Variants in USPL1 observed in about 807,000 individuals in gnomAD.
The protein encoded by USPL1 is SUMO-specific isopeptidase USPL1.
A neutral mutation model predicts 51.5 loss-of-function variants in USPL1; 27 were observed. The ratio of observed to expected loss-of-function variants is 0.52; its 90% CI spans 0.39 to 0.72. USPL1 has a LOEUF of 0.72. USPL1 is among the 30% of genes least tolerant of loss of function. USPL1 has a pLI of 0.00. For synonymous variants in USPL1, 451 were observed against 459.6 expected (o/e 0.98, Z 0.24); for missense variants, 1,226 against 1,268.0 (o/e 0.97, Z 0.50).
chr13:30,658,361 G>A lies in USPL1; in HGVS notation c.2284G>A (p.Gly762Ser). The stretch of plus-strand genomic sequence containing the variant: ...GCCATTTGTGGGAAGTTGGGTTAAA[G>A]GCTTAATAAGCAGGGGTGCTTCTTT... Reference protein sequence around the residue: ...KKPFVGSWVKGLISRGASFMP... With the variant: ...KKPFVGSWVKSLISRGASFMP... Residue 762 changes from glycine (G) to serine (S), a missense_variant, in exon 9 of 9, where the codon GGC becomes AGC. Physicochemically the swap from Gly to Ser is moderately conservative, Grantham distance 56. Transcript: ENST00000255304. The A allele has an allele frequency of 6.2e-7, 1 of 1,613,774 alleles. No homozygotes were observed. The highest frequency in any genetic ancestry group is 8.5e-7 in the Non-Finnish European group (1 of 1,180,018).
At chr13:30,646,271 A>G (rs568726729) in intron 6 of USPL1, among the ~76,000 whole-genome samples, 1 of 152,306 alleles carries the variant, frequency 6.6e-6, no homozygotes, top group East Asian at 1.9e-4. Flanking sequence ...GTTGCTCTCA[A>G]GTATTCAGAC....
rs199641998 is a variant in USPL1 at position 30,658,524 on chromosome 13, G to T, written c.2447G>T (p.Arg816Leu). 1.2e-6 allele frequency: 2 copies of T among 1,614,030 alleles called. No homozygotes were observed. The highest frequency in any genetic ancestry group is 1.1e-5 in the South Asian group (1 of 91,088). The change falls in exon 9 of 9, where the codon CGT becomes CTT. Residue 816 changes from arginine (R) to leucine (L), a missense_variant. By Grantham distance (102) the Arg-to-Leu change is moderately radical. Coordinates refer to ENST00000255304, the MANE Select transcript of USPL1 (RefSeq NM_005800.5). ...QKASHVSKKA[R>L]KSASKPPPIS... is the part of the protein sequence containing the mutation. ...GCCAGCCACGTATCCAAGAAAGCTC[G>T]TAAGAGTGCAAGTAAGCCTCCTCCC...
intron 3 of USPL1, among the ~76,000 whole-genome samples, chr13:30,629,975 T>G (rs1950778622): frequency 6.6e-6 from 1 of 151,802 alleles, no homozygotes; most frequent in Non-Finnish European, 1.5e-5. Context: ...ATTATTATTA[T>G]TATTATTATT....
chr13:30,655,852 C>A (rs1007235254), intron 8 of USPL1, among the ~76,000 whole-genome samples: 1 of 152,104 alleles, frequency 6.6e-6, no homozygotes, highest in African/African-American at 2.4e-5. Context: ...TGTTTGACAT[C>A]GTGATTTATT....
chr13:30,652,919 A>C (rs971450255), intron 7 of USPL1, among the ~76,000 whole-genome samples: 1 of 152,238 alleles, frequency 6.6e-6, no homozygotes, highest in East Asian at 1.9e-4. Context: ...ATACTGCATG[A>C]TGACTTCCAA....
At chr13:30,649,716 T>C (rs1256068941) in intron 7 of USPL1, among the ~76,000 whole-genome samples, 1 of 152,266 alleles carries the variant, frequency 6.6e-6, no homozygotes, top group African/African-American at 2.4e-5. Flanking sequence ...GGACGCGATA[T>C]TTCTCTGCTA....
rs529155708 is a variant in USPL1 at position 30,625,450 on chromosome 13, T to G, written c.228+3558T>G. ...AGTTGGTTTTTTGTTTTTTGTTTTT[T>G]TTTTTTTTTTTTTTGAGACGGAGTC... On this transcript the variant is annotated intron_variant, in intron 3 of 8. Transcript: ENST00000255304. 4.1e-4 allele frequency among the ~76,000 whole-genome samples: 60 copies of G among 145,220 alleles called. 2 individuals are homozygous for G. The East Asian group carries it at 8.9e-3, about 21-fold the overall frequency.
At chr13:30,642,825 T>C (rs1050602216) in intron 6 of USPL1, 68 bp downstream of exon 6, 19 of 1,553,172 alleles carry the variant, frequency 1.2e-5, no homozygotes, top group Non-Finnish European at 1.6e-5. Flanking sequence ...AGAGAACAAT[T>C]TGAGCACCAG....
intron 6 of USPL1, among the ~76,000 whole-genome samples, chr13:30,645,176 T>A (rs966210350): frequency 1.3e-5 from 2 of 152,332 alleles, no homozygotes; most frequent in African/African-American, 4.8e-5. Context: ...GGGTTTTAAA[T>A]AATATAAATA....
chr13:30,642,902 T>C (rs1950967694), intron 6 of USPL1, 145 bp downstream of exon 6: 1 of 960,590 alleles, frequency 1.0e-6, no homozygotes. Context: ...AGACTGCTAG[T>C]AGGATATTTC....
At chr13:30,618,652 T>C (rs1950604113) in intron 1 of USPL1, among the ~76,000 whole-genome samples, 1 of 152,182 alleles carries the variant, frequency 6.6e-6, no homozygotes, top group Non-Finnish European at 1.5e-5. Context: ...CATTGTGCTA[T>C]CTAACTGGGT....
chr13:30,643,597 T>TCCCCCCC lies in USPL1; in HGVS notation c.1112+842_1112+843insCCCCCCC. On this transcript the variant is annotated intron_variant, in intron 6 of 8. Transcript: ENST00000255304. ...AATTATTACAATAGAAATAACTCTT[T>TCCCCCCC]CCACCCCCCCCCGCCCTTTTTTTTT... Among the ~76,000 whole-genome samples, 18 of 86,966 alleles carry TCCCCCCC rather than the reference T, an allele frequency of 2.1e-4. 1 individual carries two copies. Among genetic ancestry groups the TCCCCCCC allele is most frequent in the African/African-American group, 1.2e-3 (16 of 12,814 alleles). The allele number at this position is 86,966 out of a possible 152,430, so 57.1% of individuals were successfully genotyped here. A position where few individuals can be genotyped will look rare whatever the true frequency, so the allele number is the denominator to read the frequency against.
chr13:30,658,342 T>C lies in USPL1; in HGVS notation c.2265T>C (p.Phe755=). Residue 755 remains phenylalanine, a synonymous_variant, in exon 9 of 9, where the codon TTT becomes TTC. Transcript: ENST00000255304. ...TGAAAGAAAATCAGAAGAAGCCATT[T>C]GTGGGAAGTTGGGTTAAAGGCTTAA... ...QSLKENQKKP[F]VGSWVKGLIS... The C allele has an allele frequency of 6.2e-7, 1 of 1,613,930 alleles. No homozygotes were observed. The highest frequency in any genetic ancestry group is 1.7e-5 in the Admixed American group (1 of 60,010).
At chr13:30,657,452 T>C (rs1951178568) in intron 8 of USPL1, 22 bp from the exon 9 acceptor site, 1 of 1,554,540 alleles carries the variant, frequency 6.4e-7, no homozygotes, top group African/African-American at 1.4e-5. Flanking sequence ...TATCTAACTT[T>C]CACTTCTTTC....
chr13:30,656,346 C>T (rs1951163577), intron 8 of USPL1, among the ~76,000 whole-genome samples: 1 of 152,178 alleles, frequency 6.6e-6, no homozygotes, highest in South Asian at 2.1e-4. Flanking sequence ...AGAAACTACT[C>T]ATTAAACAAT....
chr13:30,635,049 A>G (rs528762827), intron 4 of USPL1, among the ~76,000 whole-genome samples: 1 of 152,116 alleles, frequency 6.6e-6, no homozygotes, highest in East Asian at 1.9e-4. Context: ...GTTTTAATTG[A>G]TTTGTATGAG....
At chr13:30,655,680 T>C (rs1056789230) in intron 8 of USPL1, among the ~76,000 whole-genome samples, 2 of 152,224 alleles carry the variant, frequency 1.3e-5, no homozygotes, top group Non-Finnish European at 2.9e-5. Flanking sequence ...GTCTCTAACA[T>C]GTTTTGCAAC....
chr13:30,628,003 A>C (rs1327370628), intron 3 of USPL1, among the ~76,000 whole-genome samples: 1 of 147,856 alleles, frequency 6.8e-6, no homozygotes, highest in African/African-American at 2.5e-5. Context: ...CAGCCTCCTG[A>C]GTAGCTGGGA....
intron 7 of USPL1, among the ~76,000 whole-genome samples, chr13:30,650,544 T>C: frequency 7.0e-6 from 1 of 142,028 alleles, no homozygotes; most frequent in Admixed American, 7.3e-5. Context: ...GCCACTGCAC[T>C]CCAGCCTGGG....
Sources: allele counts gnomAD v4.1 joint callset (sites outside exome capture counted in the v4.1 genomes callset), GRCh38; gene constraint gnomAD v4.1.1; transcripts MANE v1.5; gene names NCBI Gene and HGNC (gene_info 2026-07-23, HGNC 2026-07-21).